KLF8: variants seen among roughly 807,000 people sequenced by gnomAD.
The protein encoded by KLF8 is KLF transcription factor 8, also known as Krueppel-like factor 8.
KLF8 carries 10 observed loss-of-function variants against 18.2 expected under a neutral mutation model. The ratio of observed to expected loss-of-function variants is 0.55; its 90% CI spans 0.34 to 0.93. The LOEUF (loss-of-function observed/expected upper bound fraction) is 0.93. KLF8 is among the 40% of genes least tolerant of loss of function. The probability of loss-of-function intolerance (pLI) is 0.02; values close to 1 mark genes in which losing one functional copy is unlikely to be tolerated. For missense variants in KLF8, 264 were observed against 277.9 expected (o/e 0.95, Z 0.36); for synonymous variants, 109 against 97.3 (o/e 1.12, Z -0.71).
chrX:56,240,607 C>T (rs1011497702), intron 1 of KLF8, among the ~76,000 whole-genome samples: 1 of 111,402 alleles, frequency 9.0e-6, no homozygotes, highest in African/African-American at 3.3e-5. Context: ...TAGTGGGAAT[C>T]TTTTAATACT....
the KLF8 span, among the ~76,000 whole-genome samples, chrX:56,030,510 T>A: frequency 3.6e-5 from 4 of 111,394 alleles, no homozygotes; most frequent in African/African-American, 9.8e-5. Flanking sequence ...ATTTTTCCAA[T>A]TGAGGAAGTC....
At chrX:56,159,346 C>A in the KLF8 span, among the ~76,000 whole-genome samples, 1 of 111,542 alleles carries the variant, frequency 9.0e-6, no homozygotes, top group Non-Finnish European at 1.9e-5. Flanking sequence ...GCCTAAAATT[C>A]TCTTTTTTTG....
chrX:56,272,026 T>A (rs1371338937), intron 5 of KLF8, among the ~76,000 whole-genome samples: 1 of 111,835 alleles, frequency 8.9e-6, no homozygotes, highest in African/African-American at 3.3e-5. Context: ...TACTTTTATT[T>A]ACTTTTCGGA....
the KLF8 span, among the ~76,000 whole-genome samples, chrX:55,945,242 T>C: frequency 7.9e-4 from 88 of 111,034 alleles, no homozygotes; most frequent in Non-Finnish European, 1.5e-3. Flanking sequence ...AGGAGAGCTT[T>C]ACTTCCAACT....
chrX:56,081,095 T>C, the KLF8 span, among the ~76,000 whole-genome samples: 2 of 111,692 alleles, frequency 1.8e-5, no homozygotes, highest in Non-Finnish European at 3.8e-5. Flanking sequence ...TTGGTTTGAA[T>C]GTCCTCCCTT....
At chrX:56,202,493 C>T in the KLF8 span, among the ~76,000 whole-genome samples, 2 of 109,598 alleles carry the variant, frequency 1.8e-5, no homozygotes, top group Non-Finnish European at 3.8e-5. Flanking sequence ...CTATAGTCAC[C>T]CTGTTGTGCT....
the KLF8 span, chrX:55,961,823 C>T: frequency 7.2e-6 from 2 of 277,229 alleles, no homozygotes; most frequent in Non-Finnish European, 6.8e-6. Context: ...TTTCTGCATG[C>T]CTGTGCCCAT....
chrX:56,200,709 A>C, the KLF8 span, among the ~76,000 whole-genome samples: 1 of 111,599 alleles, frequency 9.0e-6, no homozygotes, highest in Non-Finnish European at 1.9e-5. Context: ...TGCCAGCCAT[A>C]TATCTGATAA....
At chrX:56,084,458 T>C in the KLF8 span, among the ~76,000 whole-genome samples, 1 of 111,642 alleles carries the variant, frequency 9.0e-6, no homozygotes. Flanking sequence ...TAAACATATT[T>C]TGACATATAT....
At chrX:56,269,570 T>A in intron 4 of KLF8, 81 bp downstream of exon 4, 1 of 1,061,266 alleles carries the variant, frequency 9.4e-7, no homozygotes, top group Non-Finnish European at 1.2e-6. Flanking sequence ...TATGTATAGG[T>A]GGAACTAATG....
chrX:56,180,813 T>C, the KLF8 span, among the ~76,000 whole-genome samples: 1 of 112,482 alleles, frequency 8.9e-6, no homozygotes, highest in Non-Finnish European at 1.9e-5. Context: ...TTGATTGCAC[T>C]GTGGTCTGTG....
the KLF8 span, among the ~76,000 whole-genome samples, chrX:56,084,120 C>T: frequency 4.5e-5 from 5 of 111,848 alleles, no homozygotes; most frequent in Admixed American, 4.8e-4. Context: ...GTGGATGATG[C>T]CTGTAATCCT....
At chrX:56,112,113 A>T in the KLF8 span, among the ~76,000 whole-genome samples, 1 of 112,219 alleles carries the variant, frequency 8.9e-6, no homozygotes, top group African/African-American at 3.2e-5. Context: ...CCGGATTCAG[A>T]AAATGTGGTG....
the KLF8 span, among the ~76,000 whole-genome samples, chrX:56,028,576 A>G: frequency 5.4e-5 from 6 of 111,549 alleles, no homozygotes; most frequent in Non-Finnish European, 9.4e-5. Flanking sequence ...GTGTCCTAGC[A>G]GAAGGTCGTC....
chrX:56,110,963 C>A, the KLF8 span, among the ~76,000 whole-genome samples: 2 of 111,213 alleles, frequency 1.8e-5, no homozygotes, highest in Non-Finnish European at 3.8e-5. Flanking sequence ...CTGTCTAATG[C>A]CCTTTTATCT....
chrX:56,077,892 C>G, the KLF8 span, among the ~76,000 whole-genome samples: 1 of 109,212 alleles, frequency 9.2e-6, no homozygotes, highest in Non-Finnish European at 1.9e-5. Context: ...GTATTTTATT[C>G]TCTTTGAAGA....
the KLF8 span, among the ~76,000 whole-genome samples, chrX:56,173,868 A>T: frequency 9.8e-5 from 11 of 111,681 alleles, no homozygotes; most frequent in African/African-American, 3.6e-4. Flanking sequence ...GCAATCCTGA[A>T]TGGGAGTTCA....
At chrX:56,186,203 A>C in the KLF8 span, among the ~76,000 whole-genome samples, 1 of 111,661 alleles carries the variant, frequency 9.0e-6, no homozygotes, top group African/African-American at 3.3e-5. Flanking sequence ...AATGGAAAAC[A>C]GAAAAAGGCA....
the KLF8 span, among the ~76,000 whole-genome samples, chrX:56,040,800 CTTTTTTTTTTTTTTTTTTTTTT>C: frequency 1.7e-4 from 1 of 6,038 alleles, no homozygotes; most frequent in African/African-American, 3.2e-4. Flanking sequence ...ATGATACCAG[CTTTTTTTTTTTTTTTTTTTTTT>C]TTTTTTTTTT....
Sources: allele counts gnomAD v4.1 joint callset (sites outside exome capture counted in the v4.1 genomes callset), GRCh38; gene constraint gnomAD v4.1.1; transcripts MANE v1.5; gene names NCBI Gene and HGNC (gene_info 2026-07-23, HGNC 2026-07-21).